The following RAB30 variants were observed in gnomAD, a reference collection of about 807,000 sequenced individuals.
RAB30 encodes RAB30, member RAS oncogene family, also known as ras-related protein Rab-30.
Under a neutral mutation model 25.1 loss-of-function variants are expected in RAB30, and 9 were observed. That is an observed-to-expected ratio of 0.36 (90% CI 0.22 to 0.63). RAB30 has a LOEUF of 0.63. Among genes scored for constraint, RAB30 ranks in the 20% least tolerant of loss-of-function variants. The probability of loss-of-function intolerance (pLI) is 0.69; values close to 1 mark genes in which losing one functional copy is unlikely to be tolerated. For synonymous variants in RAB30, 77 were observed against 86.4 expected (o/e 0.89, Z 0.60); for missense variants, 140 against 243.5 (o/e 0.58, Z 2.83).
At chr11:83,049,873 A>T (rs1858318583) in intron 1 of RAB30, among the ~76,000 whole-genome samples, 1 of 152,208 alleles carries the variant, frequency 6.6e-6, no homozygotes, top group Non-Finnish European at 1.5e-5. Context: ...TCATTTTAAC[A>T]GTAAGAATAA....
intron 1 of RAB30, among the ~76,000 whole-genome samples, chr11:82,999,084 T>C (rs1857019979): frequency 6.6e-6 from 1 of 152,224 alleles, no homozygotes; most frequent in African/African-American, 2.4e-5. Flanking sequence ...TCCCAGTTCA[T>C]TGGGCCTGTG....
At chr11:82,993,957 T>C (rs1856908043) in intron 3 of RAB30, 82 bp downstream of exon 3, 1 of 1,119,186 alleles carries the variant, frequency 8.9e-7, no homozygotes, top group African/African-American at 1.6e-5. Flanking sequence ...ATTAGGAGAT[T>C]TAATAAATGG....
intron 4 of RAB30, among the ~76,000 whole-genome samples, chr11:82,984,746 A>G (rs1165060457): frequency 2.6e-5 from 4 of 152,156 alleles, no homozygotes; most frequent in East Asian, 3.8e-4. Context: ...ACGACTTCCC[A>G]TTGAAAAGAA....
In RAB30 at chr11:82,975,499, A is replaced by T. The variant is rs1856529826; in HGVS notation, c.*6666T>A. On this transcript the variant is annotated 3_prime_UTR_variant, in exon 5 of 5. Transcript: ENST00000527633. ...CAATTTTTGTTTTAGAATTTAGTGCACACGTAGAAAGGGGAAGAAACGCTT... is the reference window on the plus strand; with the variant it reads ...CAATTTTTGTTTTAGAATTTAGTGCTCACGTAGAAAGGGGAAGAAACGCTT... 1 of 152,176 alleles carries T rather than the reference A, an allele frequency of 6.6e-6. No homozygotes were observed. The highest frequency in any genetic ancestry group is 1.9e-4 in the East Asian group (1 of 5,202). The allele number at this position is 152,176 out of a possible 1,614,324, so 9.4% of individuals were successfully genotyped here.
At chr11:83,033,805 T>C (rs1254188461) in intron 1 of RAB30, among the ~76,000 whole-genome samples, 3 of 151,920 alleles carry the variant, frequency 2.0e-5, no homozygotes, top group Admixed American at 1.3e-4. Flanking sequence ...CTCAGAAAAC[T>C]GCATCACCCA....
At chr11:82,982,590 G>A (rs564574651) in intron 4 of RAB30, among the ~76,000 whole-genome samples, 175 bp from the exon 5 acceptor site, 109 of 152,284 alleles carry the variant, frequency 7.2e-4, no homozygotes, top group African/African-American at 2.4e-3. Context: ...CCAGCTGGGC[G>A]CAGTGGCTCA....
intron 1 of RAB30, among the ~76,000 whole-genome samples, chr11:83,058,180 T>C (rs1858494748): frequency 6.6e-6 from 1 of 152,228 alleles, no homozygotes; most frequent in Admixed American, 6.5e-5. Flanking sequence ...TGGACATTTC[T>C]TTACCCTGAA....
chr11:83,046,427 G>A (rs1270041140), intron 1 of RAB30, among the ~76,000 whole-genome samples: 2 of 152,120 alleles, frequency 1.3e-5, no homozygotes, highest in East Asian at 1.9e-4. Flanking sequence ...ATTAGATCAG[G>A]GGTTGGCAAA....
chr11:83,045,375 C>T (rs1340753359), intron 1 of RAB30, among the ~76,000 whole-genome samples: 5 of 152,138 alleles, frequency 3.3e-5, no homozygotes, highest in African/African-American at 1.2e-4. Flanking sequence ...AAACGACCCT[C>T]CTGCCTTGAC....
chr11:83,055,621 T>TTA (rs1858443374), intron 1 of RAB30, among the ~76,000 whole-genome samples: 1 of 152,264 alleles, frequency 6.6e-6, no homozygotes, highest in Admixed American at 6.5e-5. Context: ...TTTGAATGGT[T>TTA]TGTGTCCTTT....
chr11:83,066,831 C>T (rs113325184), intron 1 of RAB30, among the ~76,000 whole-genome samples: 6 of 152,322 alleles, frequency 3.9e-5, no homozygotes, highest in African/African-American at 9.6e-5. Context: ...GGATTACAGG[C>T]GTGAGCCACT....
At chr11:83,019,654 A>T (rs1160098738) in intron 1 of RAB30, among the ~76,000 whole-genome samples, 1 of 152,164 alleles carries the variant, frequency 6.6e-6, no homozygotes, top group Non-Finnish European at 1.5e-5. Flanking sequence ...TTAGAACACT[A>T]AGTTACTAGT....
rs1406346816 is a variant in RAB30, at chr11:82,976,001, A to G, written c.*6164T>C. The G allele has an allele frequency of 6.6e-6, 1 of 152,166 alleles. No homozygotes were observed. The highest frequency in any genetic ancestry group is 2.4e-5 in the African/African-American group (1 of 41,454). The allele number at this position is 152,166 out of a possible 1,614,324, so 9.4% of individuals were successfully genotyped here. On this transcript the variant is annotated 3_prime_UTR_variant, in exon 5 of 5. Coordinates refer to ENST00000527633, the MANE Select transcript of RAB30 (RefSeq NM_001286060.2). ...TGTGAGGTATTTCAGTTCTAAGATT[A>G]AGCTTCCTGATAATGAGTTTACAAC...
chr11:83,006,365 G>A (rs1431460792), intron 1 of RAB30, among the ~76,000 whole-genome samples: 1 of 152,136 alleles, frequency 6.6e-6, no homozygotes, highest in Non-Finnish European at 1.5e-5. Context: ...TACAACAATG[G>A]ACCACCACAC....
chr11:82,993,989 T>TA (rs1353985259), intron 3 of RAB30, 50 bp downstream of exon 3: 3 of 1,425,018 alleles, frequency 2.1e-6, no homozygotes, highest in Non-Finnish European at 3.0e-6. Flanking sequence ...GTACTTCCCC[T>TA]AACCTCTCAC....
intron 1 of RAB30, among the ~76,000 whole-genome samples, chr11:83,069,065 A>AT (rs1333947788): frequency 5.3e-5 from 8 of 152,230 alleles, no homozygotes; most frequent in African/African-American, 1.9e-4. Context: ...AGAGGGCTAT[A>AT]ACATCAGTAA....
intron 1 of RAB30, among the ~76,000 whole-genome samples, chr11:83,043,625 A>T (rs760678535): frequency 1.3e-5 from 2 of 152,214 alleles, no homozygotes; most frequent in Non-Finnish European, 2.9e-5. Flanking sequence ...AAGGATCATG[A>T]TGTCTGCCCT....
intron 1 of RAB30, 145 bp from the exon 2 acceptor site, chr11:82,997,469 T>C: frequency 1.6e-6 from 1 of 618,298 alleles, no homozygotes. Context: ...CCCTGCCAGC[T>C]AGACAGAAAC....
intron 1 of RAB30, among the ~76,000 whole-genome samples, chr11:82,998,861 A>G (rs1857016204): frequency 1.3e-5 from 2 of 152,206 alleles, no homozygotes; most frequent in African/African-American, 2.4e-5. Flanking sequence ...GCTGGGAGAT[A>G]GGAAAGCGTC....
Sources: allele counts gnomAD v4.1 joint callset (sites outside exome capture counted in the v4.1 genomes callset), GRCh38; gene constraint gnomAD v4.1.1; transcripts MANE v1.5; gene names NCBI Gene and HGNC (gene_info 2026-07-23, HGNC 2026-07-21).